Variants in TGM4 observed in about 807,000 individuals in gnomAD.
TGM4 encodes the protein transglutaminase 4, also known as protein-glutamine gamma-glutamyltransferase 4.
TGM4 carries 61 observed loss-of-function variants against 76.3 expected under a neutral mutation model. The observed-to-expected ratio is 0.80, with a 90% CI of 0.65 to 0.99. The LOEUF is 0.99. Ranked by LOEUF, TGM4 falls within the 50% of genes least tolerant of loss-of-function variation. The probability of loss-of-function intolerance (pLI) is 0.00; values close to 1 mark genes in which losing one functional copy is unlikely to be tolerated. For synonymous variants in TGM4, 337 were observed against 329.8 expected, an observed-to-expected ratio of 1.02 and a Z score of -0.24; for missense variants, 794 against 843.2, an observed-to-expected ratio of 0.94 and a Z score of 0.72.
At chr3:44,874,774 C>A in intron 1 of TGM4, 77 bp downstream of exon 1, 1 of 1,587,480 alleles carries the variant, frequency 6.3e-7, no homozygotes, top group South Asian at 1.1e-5. Context: ...TTGCCTCTGC[C>A]GGGTGCCTGG....
chr3:44,904,439 C>T (rs1463121555), intron 9 of TGM4, among the ~76,000 whole-genome samples: 3 of 152,154 alleles, frequency 2.0e-5, no homozygotes, highest in Non-Finnish European at 4.4e-5. Flanking sequence ...CTTATCTCAG[C>T]TGGTTATGGG....
At chr3:44,882,057 C>CTATT (rs1553671708) in intron 1 of TGM4, among the ~76,000 whole-genome samples, 4 of 104,620 alleles carry the variant, frequency 3.8e-5, no homozygotes, top group Admixed American at 1.2e-4. Context: ...AATACAAACG[C>CTATT]TTTTTTTTTT....
intron 10 of TGM4, among the ~76,000 whole-genome samples, chr3:44,908,879 T>C (rs181617764): frequency 1.3e-5 from 2 of 152,332 alleles, no homozygotes; most frequent in East Asian, 1.9e-4. Flanking sequence ...GTATGGCCTA[T>C]AGTTTGTTTG....
rs1700044902 is a variant in TGM4 at position 44,913,917 on chromosome 3, C to G, written c.*192C>G. Reference sequence around the variant, plus strand: ...AGGTCCTGTGCTATCACAGGGTCACCTCTTTTACAGTTAGAAACACCAGCC... The same window carrying G: ...AGGTCCTGTGCTATCACAGGGTCACGTCTTTTACAGTTAGAAACACCAGCC... On this transcript the variant is annotated 3_prime_UTR_variant, in exon 14 of 14. Transcript: ENST00000296125. 1 of 640,046 alleles carries G rather than the reference C, an allele frequency of 1.6e-6. No individual in the cohort carries two copies. Among genetic ancestry groups the G allele is most frequent in the African/African-American group, 1.9e-5 (1 of 53,600 alleles). 39.6% of individuals were successfully genotyped at this position (640,046 alleles called of 1,614,324 possible). A position where few individuals can be genotyped will look rare whatever the true frequency, so the allele number is the denominator to read the frequency against.
At position 44,911,267 on chromosome 3, in the gene TGM4, C is replaced by T. The variant is rs930089508; in HGVS notation, c.1777-3C>T. On this transcript the variant is annotated splice_polypyrimidine_tract_variant and splice_region_variant and intron_variant, in intron 12 of 13. Transcript: ENST00000296125. Reference sequence around the variant, plus strand: ...CCCATCTCTCCTCCCCACCCTACTACAGTTGCCTAACACAGGCAGAATTGG... The same window carrying T: ...CCCATCTCTCCTCCCCACCCTACTATAGTTGCCTAACACAGGCAGAATTGG... 2 of 1,614,218 alleles carry T rather than the reference C, an allele frequency of 1.2e-6. No individual in the cohort carries two copies. The highest frequency in any genetic ancestry group is 1.7e-6 in the Non-Finnish European group (2 of 1,180,032).
chr3:44,910,724 C>T (rs1290231208), intron 11 of TGM4, among the ~76,000 whole-genome samples: 1 of 152,184 alleles, frequency 6.6e-6, no homozygotes, highest in African/African-American at 2.4e-5. Context: ...GTGGGATGTC[C>T]TGATGACAAC....
chr3:44,904,218 A>G (rs1486591256), intron 9 of TGM4, among the ~76,000 whole-genome samples: 2 of 149,346 alleles, frequency 1.3e-5, no homozygotes, highest in Non-Finnish European at 3.0e-5. Flanking sequence ...GAGCAATGAG[A>G]TGGTGGCACT....
chr3:44,913,533 C>T (rs778350731), intron 13 of TGM4, 51 bp from the exon 14 acceptor site: 1 of 1,577,648 alleles, frequency 6.3e-7, no homozygotes. Flanking sequence ...TCTCCCTCTT[C>T]CCATAACATC....
Position 44,903,895 on chromosome 3 carries a change from T to A in TGM4, c.983T>A (p.Val328Glu), listed in dbSNP as rs1203882139. 6.2e-7 allele frequency: 1 copy of A among 1,614,192 alleles called. No homozygotes were observed. Among genetic ancestry groups the A allele is most frequent in the Non-Finnish European group, 8.5e-7 (1 of 1,180,012 alleles). Residue 328 changes from valine to glutamate, a missense_variant, in exon 9 of 14, where the codon GTG becomes GAG. Coordinates refer to ENST00000296125, the MANE Select transcript of TGM4 (RefSeq NM_003241.4). The part of the protein sequence containing the change: ...MTHDSVWNFH[V>E]WTDAWMKRPD... Reference sequence around the variant, plus strand: ...CCAATTTGCGGCAGGAATTTCCATGTGTGGACGGATGCCTGGATGAAGCGA... The same window carrying A: ...CCAATTTGCGGCAGGAATTTCCATGAGTGGACGGATGCCTGGATGAAGCGA...
intron 1 of TGM4, among the ~76,000 whole-genome samples, chr3:44,875,218 T>C (rs572512376): frequency 6.6e-6 from 1 of 152,330 alleles, no homozygotes; most frequent in South Asian, 2.1e-4. Flanking sequence ...CCCAATAATG[T>C]CATTTATAGC....
At chr3:44,885,679 G>A (rs1699596126) in intron 2 of TGM4, among the ~76,000 whole-genome samples, 181 bp downstream of exon 2, 1 of 152,146 alleles carries the variant, frequency 6.6e-6, no homozygotes, top group African/African-American at 2.4e-5. Flanking sequence ...GGGAAGCTCA[G>A]TCAGGACCTG....
chr3:44,876,199 C>T (rs1699450148), intron 1 of TGM4, among the ~76,000 whole-genome samples: 1 of 152,212 alleles, frequency 6.6e-6, no homozygotes, highest in Non-Finnish European at 1.5e-5. Flanking sequence ...ATGCTGCCTC[C>T]CTGCTGGGCA....
At chr3:44,907,817 ATTT>A (rs1699945437) in intron 10 of TGM4, among the ~76,000 whole-genome samples, 1 of 152,170 alleles carries the variant, frequency 6.6e-6, no homozygotes, top group South Asian at 2.1e-4. Flanking sequence ...AATCTGACAG[ATTT>A]GTATTTCCCC....
At position 44,893,697 on chromosome 3, in the gene TGM4, T is replaced by C. The variant is rs536471118; in HGVS notation, c.549+2T>C. ...TGCAAACCCTGGAACTTTGGTCAGGTAATGATTTGTCGTCTTGTGGCTGCA... is the reference window on the plus strand; with the variant it reads ...TGCAAACCCTGGAACTTTGGTCAGGCAATGATTTGTCGTCTTGTGGCTGCA... On this transcript the variant is annotated splice_donor_variant, in intron 5 of 13. Transcript: ENST00000296125. LOFTEE classifies it high-confidence loss of function. The C allele has an allele frequency of 1.9e-6, 3 of 1,613,138 alleles. No homozygotes were observed. The highest frequency in any genetic ancestry group is 4.5e-5 in the East Asian group (2 of 44,876).
At chr3:44,909,336 G>A (rs1260635160) in intron 10 of TGM4, among the ~76,000 whole-genome samples, 1 of 152,176 alleles carries the variant, frequency 6.6e-6, no homozygotes. Context: ...TGGACATTTT[G>A]TCCCTCAGCT....
chr3:44,885,297 C>A, intron 1 of TGM4, 28 bp from the exon 2 acceptor site: 1 of 1,580,340 alleles, frequency 6.3e-7, no homozygotes, highest in South Asian at 1.1e-5. Context: ...TCTGTGCTCT[C>A]TTTCCACATG....
intron 8 of TGM4, 46 bp from the exon 9 acceptor site, chr3:44,903,838 G>C (rs765123821): frequency 2.6e-6 from 4 of 1,563,034 alleles, no homozygotes; most frequent in Non-Finnish European, 2.6e-6. Context: ...TCTCTAACTA[G>C]GTTTGGGGGT....
At chr3:44,906,797 A>G in intron 9 of TGM4, 152 bp from the exon 10 acceptor site, 1 of 937,262 alleles carries the variant, frequency 1.1e-6, no homozygotes, top group Non-Finnish European at 1.6e-6. Context: ...CAGAATAGTT[A>G]AGGATGGCCT....
At chr3:44,913,295 C>A (rs1311738914) in intron 13 of TGM4, among the ~76,000 whole-genome samples, 1 of 152,184 alleles carries the variant, frequency 6.6e-6, no homozygotes, top group African/African-American at 2.4e-5. Flanking sequence ...ACTCATGAAA[C>A]AAGAACATCT....
Sources: allele counts gnomAD v4.1 joint callset (sites outside exome capture counted in the v4.1 genomes callset), GRCh38; gene constraint gnomAD v4.1.1; transcripts MANE v1.5; gene names NCBI Gene and HGNC (gene_info 2026-07-23, HGNC 2026-07-21).